UPF3B: variants seen among roughly 807,000 people sequenced by gnomAD.
UPF3B encodes regulator of nonsense transcripts 3B.
Under a neutral mutation model 40.3 loss-of-function variants are expected in UPF3B, and 7 were observed. The observed-to-expected ratio is 0.17, with a 90% confidence interval of 0.10 to 0.33. The LOEUF (loss-of-function observed/expected upper bound fraction) is 0.33, where lower values mean the gene tolerates loss of function less well. Ranked by LOEUF, UPF3B falls within the 10% of genes least tolerant of loss-of-function variation. UPF3B has a pLI of 1.00. For synonymous variants in UPF3B, 117 were observed against 117.3 expected, an observed-to-expected ratio of 1.00 and a Z score of 0.01; for missense variants, 229 against 358.9, an observed-to-expected ratio of 0.64 and a Z score of 2.93.
chrX:119,831,806 T>C (rs2056040165), downstream of UPF3B: 1 of 524,655 alleles, frequency 1.9e-6, no homozygotes, highest in Non-Finnish European at 2.3e-6. Context: ...GCTACTAAGC[T>C]TTTACATGGG....
intron 5 of UPF3B, among the ~76,000 whole-genome samples, chrX:119,842,047 C>A (rs916214977): frequency 8.9e-6 from 1 of 111,735 alleles, no homozygotes; most frequent in African/African-American, 3.3e-5. Flanking sequence ...GAATTAAGTA[C>A]TTAGGACATT....
intron 5 of UPF3B, among the ~76,000 whole-genome samples, chrX:119,811,305 A>G (rs1428726959): frequency 9.0e-6 from 1 of 110,585 alleles, no homozygotes; most frequent in East Asian, 2.9e-4. Context: ...CGGCCTCCCA[A>G]AATGCTGGGA....
chrX:119,808,762 C>CA (rs1188579719), intron 5 of UPF3B, among the ~76,000 whole-genome samples: 1 of 111,544 alleles, frequency 9.0e-6, no homozygotes, highest in Non-Finnish European at 1.9e-5. Flanking sequence ...GATGTCAGCT[C>CA]ATGCCTGGTG....
intron 3 of UPF3B, among the ~76,000 whole-genome samples, chrX:119,846,053 G>A (rs1446683365): frequency 9.2e-6 from 1 of 108,686 alleles, no homozygotes; most frequent in Non-Finnish European, 1.9e-5. Context: ...ATCACGTTGG[G>A]CTGGGCACCG....
chrX:119,813,603 C>T (rs751638006), intron 5 of UPF3B, among the ~76,000 whole-genome samples: 1 of 105,614 alleles, frequency 9.5e-6, no homozygotes, highest in East Asian at 3.0e-4. Context: ...GCTCTGTCAC[C>T]CAGGCTGGAG....
intron 4 of UPF3B, chrX:119,815,416 A>T: frequency 3.6e-6 from 1 of 274,840 alleles, no homozygotes; most frequent in Non-Finnish European, 5.0e-6. Context: ...CAGTCATTTA[A>T]GACCAAAAAT....
intron 5 of UPF3B, among the ~76,000 whole-genome samples, chrX:119,842,869 A>T (rs955172428): frequency 5.4e-5 from 6 of 111,646 alleles, no homozygotes; most frequent in African/African-American, 1.6e-4. Flanking sequence ...TCAAGTCAAA[A>T]TTTTTTTAGG....
At chrX:119,809,156 G>A (rs759968055) in intron 5 of UPF3B, among the ~76,000 whole-genome samples, 23 of 111,212 alleles carry the variant, frequency 2.1e-4, no homozygotes, top group African/African-American at 7.2e-4. Flanking sequence ...GACAGCAGGC[G>A]AGAGGTGAAT....
chrX:119,831,479 C>T (rs1179010601), downstream of UPF3B, among the ~76,000 whole-genome samples: 1 of 110,958 alleles, frequency 9.0e-6, no homozygotes, highest in African/African-American at 3.3e-5. Flanking sequence ...CCCCGACACC[C>T]GACAGATTTT....
intron 10 of UPF3B, 140 bp downstream of exon 10, chrX:119,837,615 CAA>C (rs34350340): frequency 0.048 from 17,366 of 362,801 alleles, no homozygotes; most frequent in East Asian, 0.055. Flanking sequence ...GACTCTGTCT[CAA>C]AAAAAAAAAA....
At chrX:119,824,788 A>C (rs1316654426) in intron 3 of UPF3B, among the ~76,000 whole-genome samples, 1 of 70,662 alleles carries the variant, frequency 1.4e-5, no homozygotes, top group African/African-American at 6.2e-5. Flanking sequence ...TTTTTTTGAG[A>C]TGGAGTCTTG....
chrX:119,843,277 T>G lies in UPF3B; in HGVS notation c.494A>C (p.Glu165Ala), dbSNP rs1233013683. ...TTTCTCATTATCTGTGGCATAACTT[T>G]CCAAAAACTTTCTATATTCTGGATC... ...DDDPEYRKFL[E>A]SYATDNEKMT... The change falls in exon 5 of 11, where the codon GAA (glutamate) becomes GCA (alanine). Residue 165 changes from glutamate (E) to alanine (A), a missense_variant. Glu to Ala is a moderately radical substitution (Grantham distance 107). Coordinates refer to ENST00000276201, the MANE Select transcript of UPF3B (RefSeq NM_080632.3). 2 of 1,190,509 alleles carry G rather than the reference T, an allele frequency of 1.7e-6. No individual in the cohort carries two copies. Among genetic ancestry groups the G allele is most frequent in the Non-Finnish European group, 2.3e-6 (2 of 877,623 alleles).
chrX:119,831,864 AT>A (rs2056040812), downstream of UPF3B: 2 of 211,922 alleles, frequency 9.4e-6, no homozygotes, highest in Admixed American at 1.9e-4. Context: ...AAGCCCAGTC[AT>A]TTAAGACCAT....
At chrX:119,826,734 C>T (rs183235155) in intron 3 of UPF3B, among the ~76,000 whole-genome samples, 3 of 111,900 alleles carry the variant, frequency 2.7e-5, no homozygotes, top group Non-Finnish European at 5.6e-5. Context: ...ATGACTTTTG[C>T]TCCAACCAAT....
chrX:119,808,007 C>T (rs750883120), intron 5 of UPF3B, among the ~76,000 whole-genome samples: 8 of 111,312 alleles, frequency 7.2e-5, no homozygotes, highest in Non-Finnish European at 1.3e-4. Flanking sequence ...GTTATCCAGG[C>T]GGGTCTTGAA....
Position 119,851,748 on chromosome X carries a change from CTTTTTT to C in UPF3B, c.263+13_263+18del. 8 of 565,601 alleles carry C rather than the reference CTTTTTT, an allele frequency of 1.4e-5. No individual in the cohort carries two copies. The highest frequency in any genetic ancestry group is 5.8e-5 in the Admixed American group (1 of 17,142). The allele number at this position is 565,601 out of a possible 1,213,427, so 46.6% of individuals were successfully genotyped here. ...GAAACCTTTTTCATTTACCCCTTTC[CTTTTTT>C]TTTTTTTTTTACCTCGTATCATTAG... On this transcript the variant is annotated intron_variant, in intron 2 of 10. Coordinates refer to ENST00000276201, the MANE Select transcript of UPF3B (RefSeq NM_080632.3).
At chrX:119,812,727 C>T (rs1010490996) in intron 5 of UPF3B, among the ~76,000 whole-genome samples, 4 of 111,491 alleles carry the variant, frequency 3.6e-5, no homozygotes, top group African/African-American at 1.3e-4. Context: ...ACTTCACTCT[C>T]CCTCTTAAGT....
intron 4 of UPF3B, among the ~76,000 whole-genome samples, chrX:119,819,500 T>C (rs1603366345): frequency 8.9e-6 from 1 of 111,957 alleles, no homozygotes; most frequent in Non-Finnish European, 1.9e-5. Context: ...AGAGTTTCAA[T>C]GGGAAACCAT....
intron 3 of UPF3B, among the ~76,000 whole-genome samples, chrX:119,847,341 G>C (rs2056246957): frequency 9.0e-6 from 1 of 111,450 alleles, no homozygotes; most frequent in Non-Finnish European, 1.9e-5. Context: ...CAGCTACTCA[G>C]GAGGCTGAGG....
Sources: gnomAD v4.1 joint callset for allele counts (sites outside exome capture counted in the v4.1 genomes callset) on GRCh38, gnomAD v4.1.1 for gene constraint, MANE v1.5 for transcripts, NCBI Gene and HGNC (gene_info 2026-07-23, HGNC 2026-07-21) for gene names.